SAMD12: variants seen among roughly 807,000 people sequenced by gnomAD.
SAMD12 encodes sterile alpha motif domain containing 12.
Under a neutral mutation model 15.0 loss-of-function variants are expected in SAMD12, and 9 were observed. The observed-to-expected ratio is 0.60, with a 90% CI of 0.36 to 1.05. The LOEUF is 1.05. Ranked by LOEUF, SAMD12 falls within the 50% of genes least tolerant of loss-of-function variation. The pLI is 0.01. For missense variants in SAMD12, 230 were observed against 234.2 expected (o/e 0.98, Z 0.12); for synonymous variants, 86 against 90.1 (o/e 0.96, Z 0.25).
At chr8:118,602,053 C>A (rs1159825323) in intron 1 of SAMD12, among the ~76,000 whole-genome samples, 1 of 152,104 alleles carries the variant, frequency 6.6e-6, no homozygotes, top group African/African-American at 2.4e-5. Context: ...AGTTCTGTAC[C>A]CCACAAAGTC....
intron 3 of SAMD12, among the ~76,000 whole-genome samples, chr8:118,404,068 G>A (rs1444823538): frequency 1.3e-5 from 2 of 152,082 alleles, no homozygotes; most frequent in Non-Finnish European, 2.9e-5. Flanking sequence ...CTGCAGCCTC[G>A]ACCTGCGGGG....
intron 3 of SAMD12, among the ~76,000 whole-genome samples, chr8:118,428,678 T>G (rs907145887): frequency 6.6e-6 from 1 of 152,156 alleles, no homozygotes; most frequent in Non-Finnish European, 1.5e-5. Context: ...TCCAGTACCC[T>G]GTAGTGAAGA....
rs549412744 is a variant in SAMD12 at position 118,475,412 on chromosome 8, C to T, written c.193-35451G>A. On this transcript the variant is annotated intron_variant, in intron 2 of 3. Transcript: ENST00000314727. ...TGCCAGGGCCATCCTTCCTGTGCAGCCTGCAGAACTGTGAGCCAAATAAAC... is the reference window on the plus strand; with the variant it reads ...TGCCAGGGCCATCCTTCCTGTGCAGTCTGCAGAACTGTGAGCCAAATAAAC... 4.6e-5 allele frequency among the ~76,000 whole-genome samples: 7 copies of T among 152,256 alleles called. No individual in the cohort carries two copies. The East Asian group carries it at 1.4e-3, about 29-fold the overall frequency.
At chr8:118,472,578 G>A (rs1823830724) in intron 2 of SAMD12, among the ~76,000 whole-genome samples, 1 of 152,130 alleles carries the variant, frequency 6.6e-6, no homozygotes, top group African/African-American at 2.4e-5. Flanking sequence ...GGGAGGCTGA[G>A]GTGGGAGGAT....
At chr8:118,327,377 T>C (rs1344774237) in intron 4 of SAMD12, among the ~76,000 whole-genome samples, 1 of 152,166 alleles carries the variant, frequency 6.6e-6, no homozygotes, top group African/African-American at 2.4e-5. Context: ...AAGCAGAAAA[T>C]CTGACTCATC....
chr8:118,184,752 C>A (rs1819214568), downstream of SAMD12, among the ~76,000 whole-genome samples: 1 of 152,190 alleles, frequency 6.6e-6, no homozygotes, highest in African/African-American at 2.4e-5. Flanking sequence ...CTGCCTCAGG[C>A]TCCCAAAGTG....
intron 2 of SAMD12, among the ~76,000 whole-genome samples, chr8:118,563,947 C>T (rs944682551): frequency 6.6e-6 from 1 of 152,170 alleles, no homozygotes; most frequent in Non-Finnish European, 1.5e-5. Context: ...ACCTGTGACT[C>T]ACAGAAGTGC....
chr8:118,323,877 G>C (rs1455950003), intron 4 of SAMD12, among the ~76,000 whole-genome samples: 1 of 151,954 alleles, frequency 6.6e-6, no homozygotes, highest in East Asian at 1.9e-4. Context: ...TGTTTGCACA[G>C]GGGAAACCTT....
intron 3 of SAMD12, among the ~76,000 whole-genome samples, chr8:118,429,436 C>T (rs200553932): frequency 1.3e-5 from 2 of 152,182 alleles, no homozygotes; most frequent in East Asian, 3.8e-4. Context: ...ACTTCTGGTT[C>T]CATGTATTCT....
chr8:118,211,879 C>G lies in SAMD12; in HGVS notation c.434-14147G>C, dbSNP rs561364380. Among the ~76,000 whole-genome samples the G allele has an allele frequency of 6.5e-4, 99 of 152,286 alleles. No individual in the cohort carries two copies. In the South Asian group the frequency reaches 0.02, roughly 30 times the overall value. ...GGCTGTCACTACACAATATTCATATCTTTCCAGAACCACCAACCTGTGTTG... is the reference window on the plus strand; with the variant it reads ...GGCTGTCACTACACAATATTCATATGTTTCCAGAACCACCAACCTGTGTTG... On this transcript the variant is annotated intron_variant, in intron 4 of 4. Transcript: ENST00000409003.
chr8:118,601,150 G>T (rs1263642627), intron 1 of SAMD12, among the ~76,000 whole-genome samples: 1 of 152,056 alleles, frequency 6.6e-6, no homozygotes, highest in Non-Finnish European at 1.5e-5. Context: ...GTGAATTCAT[G>T]AAGATTTTTT....
chr8:118,368,517 C>CTCTTA (rs1446793472), intron 4 of SAMD12, among the ~76,000 whole-genome samples: 1 of 152,070 alleles, frequency 6.6e-6, no homozygotes, highest in Non-Finnish European at 1.5e-5. Context: ...AGAGCCCTTG[C>CTCTTA]CATTGTCTTT....
intron 4 of SAMD12, among the ~76,000 whole-genome samples, chr8:118,217,127 C>T (rs1586353134): frequency 6.6e-6 from 1 of 152,146 alleles, no homozygotes; most frequent in Non-Finnish European, 1.5e-5. Flanking sequence ...CCTCAGCCTC[C>T]CAAGTAGCTG....
At chr8:118,330,307 TG>T (rs1816754497) in intron 4 of SAMD12, among the ~76,000 whole-genome samples, 1 of 152,190 alleles carries the variant, frequency 6.6e-6, no homozygotes, top group South Asian at 2.1e-4. Context: ...GTTCTATTGC[TG>T]GGGCTGCTCA....
At chr8:118,446,915 G>T (rs957889182) in intron 2 of SAMD12, among the ~76,000 whole-genome samples, 1 of 152,046 alleles carries the variant, frequency 6.6e-6, no homozygotes, top group Admixed American at 6.6e-5. Flanking sequence ...ATATACATAT[G>T]CAACTGATGA....
At chr8:118,492,122 C>CTTTTTTTTTTTT (rs543720456) in intron 2 of SAMD12, among the ~76,000 whole-genome samples, 2 of 132,154 alleles carry the variant, frequency 1.5e-5, no homozygotes, top group Non-Finnish European at 1.6e-5. Flanking sequence ...CTGGTGTTGC[C>CTTTTTTTTTTTT]TTTTTTTTTT....
Position 118,378,353 on chromosome 8 carries a change from C to A in SAMD12, c.*1064G>T, listed in dbSNP as rs370742939. On this transcript the variant is annotated 3_prime_UTR_variant, in exon 4 of 4. Coordinates refer to ENST00000314727, the MANE Select transcript of SAMD12 (RefSeq NM_207506.3). ...ATTTCTATCTACTTCTTAAAAGAAG[C>A]TTAAAAGCCTATCAGTATTTCACAT... The A allele has an allele frequency of 1.1e-6, 1 of 921,944 alleles. No homozygotes were observed. The highest frequency in any genetic ancestry group is 1.8e-5 in the African/African-American group (1 of 55,850). The allele number at this position is 921,944 out of a possible 1,614,324, so 57.1% of individuals were successfully genotyped here. A position where few individuals can be genotyped will look rare whatever the true frequency, so the allele number is the denominator to read the frequency against.
At chr8:118,544,929 T>C (rs1022142494) in intron 2 of SAMD12, among the ~76,000 whole-genome samples, 1 of 152,128 alleles carries the variant, frequency 6.6e-6, no homozygotes, top group Non-Finnish European at 1.5e-5. Context: ...AGAAATTAAA[T>C]ATAAAAAGGC....
chr8:118,592,310 T>C (rs910727580), intron 1 of SAMD12, among the ~76,000 whole-genome samples: 13 of 151,834 alleles, frequency 8.6e-5, no homozygotes, highest in Non-Finnish European at 1.3e-4. Flanking sequence ...GGAAAAAAAA[T>C]GGCAAATGGG....
Sources: gnomAD v4.1 joint callset for allele counts (sites outside exome capture counted in the v4.1 genomes callset) on GRCh38, gnomAD v4.1.1 for gene constraint, MANE v1.5 for transcripts, NCBI Gene and HGNC (gene_info 2026-07-23, HGNC 2026-07-21) for gene names.